The following LGR6 variants were observed in gnomAD, a reference collection of about 807,000 sequenced individuals.
The protein encoded by LGR6 is leucine-rich repeat-containing G protein-coupled receptor 6.
Under a neutral mutation model 69.4 loss-of-function variants are expected in LGR6, and 45 were observed. The ratio of observed to expected loss-of-function variants is 0.65; its 90% CI spans 0.51 to 0.83. The LOEUF is 0.83. Among genes scored for constraint, LGR6 ranks in the 40% least tolerant of loss-of-function variants. The pLI is 0.00. For missense variants in LGR6, 1,108 were observed against 1,246.7 expected, an observed-to-expected ratio of 0.89 and a Z score of 1.68; for synonymous variants, 538 against 555.0, an observed-to-expected ratio of 0.97 and a Z score of 0.43.
intron 1 of LGR6, among the ~76,000 whole-genome samples, chr1:202,195,851 G>A (rs1400698573): frequency 6.6e-6 from 1 of 152,176 alleles, no homozygotes; most frequent in Non-Finnish European, 1.5e-5. Flanking sequence ...TTCCTAGACT[G>A]GTTAATGACC....
At chr1:202,274,097 C>T (rs965756937) in intron 4 of LGR6, among the ~76,000 whole-genome samples, 1 of 152,070 alleles carries the variant, frequency 6.6e-6, no homozygotes, top group Non-Finnish European at 1.5e-5. Flanking sequence ...GCCCTCACCA[C>T]AATAGAATGG....
At chr1:202,250,382 AT>A (rs1558035842) in intron 4 of LGR6, among the ~76,000 whole-genome samples, 1 of 150,652 alleles carries the variant, frequency 6.6e-6, no homozygotes, top group Non-Finnish European at 1.5e-5. Context: ...TTTTTAATTT[AT>A]TTTTTATTTT....
chr1:202,273,382 C>T (rs1336265322), intron 4 of LGR6, among the ~76,000 whole-genome samples: 5 of 151,936 alleles, frequency 3.3e-5, no homozygotes, highest in Non-Finnish European at 5.9e-5. Context: ...AGGCCCAGAT[C>T]TGCGAGATGT....
At chr1:202,265,813 A>T (rs894487330) in intron 4 of LGR6, among the ~76,000 whole-genome samples, 1 of 152,260 alleles carries the variant, frequency 6.6e-6, no homozygotes, top group African/African-American at 2.4e-5. Flanking sequence ...TAAAAAACAC[A>T]GACTGAATAT....
intron 1 of LGR6, among the ~76,000 whole-genome samples, chr1:202,205,228 A>G (rs1213293127): frequency 5.3e-4 from 18 of 34,182 alleles, no homozygotes; most frequent in African/African-American, 1.9e-3. Context: ...ACACCCTCCA[A>G]ACACACACAC....
chr1:202,252,031 G>A lies in LGR6; in HGVS notation c.428+16038G>A, dbSNP rs562159067. On this transcript the variant is annotated intron_variant, in intron 4 of 17. Transcript: ENST00000367278. ...GGTTGGAGGGGGTGTGGTGAAGGGG[G>A]TGCCCAGGGCTCCTCCAAGTCATCA... Among the ~76,000 whole-genome samples the A allele has an allele frequency of 1.0e-3, 152 of 151,974 alleles. 1 individual carries two copies. Among genetic ancestry groups the A allele is most frequent in the Non-Finnish European group, 1.6e-3 (110 of 67,944 alleles).
At chr1:202,201,532 T>G (rs1658833662) in intron 1 of LGR6, among the ~76,000 whole-genome samples, 1 of 152,174 alleles carries the variant, frequency 6.6e-6, no homozygotes, top group South Asian at 2.1e-4. Flanking sequence ...TAAGACAACC[T>G]GCCACTAGTT....
chr1:202,282,841 G>A (rs970462383), intron 6 of LGR6, among the ~76,000 whole-genome samples: 2 of 152,172 alleles, frequency 1.3e-5, no homozygotes, highest in Non-Finnish European at 1.5e-5. Flanking sequence ...GCCGCTAAGC[G>A]CCCACTGTAC....
Position 202,305,716 on chromosome 1 carries a change from C to G in LGR6, c.1103C>G (p.Pro368Arg). Residue 368 changes from proline to arginine, a missense_variant, in exon 12 of 18, where the codon CCC becomes CGC. Coordinates refer to ENST00000367278, the MANE Select transcript of LGR6 (RefSeq NM_001017403.2). ...ELSHNQIEELPSLHRCQKLEE... is the reference protein window; with the variant it reads ...ELSHNQIEELRSLHRCQKLEE... ...TCTCACAATCAAATTGAGGAGCTGCCCAGCCTGCACAGGTGTCAGAAATTG... is the reference window on the plus strand; with the variant it reads ...TCTCACAATCAAATTGAGGAGCTGCGCAGCCTGCACAGGTGTCAGAAATTG... 1.2e-6 allele frequency: 2 copies of G among 1,613,972 alleles called. No homozygotes were observed. The highest frequency in any genetic ancestry group is 1.1e-5 in the South Asian group (1 of 91,062).
At chr1:202,234,678 C>T (rs537878477) in intron 3 of LGR6, among the ~76,000 whole-genome samples, 2 of 152,330 alleles carry the variant, frequency 1.3e-5, no homozygotes, top group South Asian at 4.1e-4. Context: ...TAATCCCTAT[C>T]TGTTGGAGTT....
intron 1 of LGR6, among the ~76,000 whole-genome samples, chr1:202,212,023 G>A (rs1297300915): frequency 6.6e-6 from 1 of 152,174 alleles, no homozygotes; most frequent in Non-Finnish European, 1.5e-5. Context: ...ATTGTGGCAT[G>A]GTACTTACTA....
In LGR6 at chr1:202,232,573, C is replaced by T. The variant is rs140377374; in HGVS notation, c.357-3349C>T. Reference sequence around the variant, plus strand: ...GTGCAGTGGTTCATGCCTGTAATCCCAGGGCTGTGGAGGGCTGAGGCAGGA... The same window carrying T: ...GTGCAGTGGTTCATGCCTGTAATCCTAGGGCTGTGGAGGGCTGAGGCAGGA... On this transcript the variant is annotated intron_variant, in intron 3 of 17. Transcript: ENST00000367278. Among the ~76,000 whole-genome samples the T allele has an allele frequency of 4.6e-5, 7 of 152,178 alleles. No individual in the cohort carries two copies. In the East Asian group the frequency reaches 1.4e-3, roughly 29 times the overall value.
chr1:202,204,536 T>A (rs1458748805), intron 1 of LGR6, among the ~76,000 whole-genome samples: 1 of 41,412 alleles, frequency 2.4e-5, no homozygotes, highest in Non-Finnish European at 4.7e-5. Context: ...CACACACACC[T>A]CCTTCAAACA....
chr1:202,225,380 A>G (rs1558016052), intron 1 of LGR6, 43 bp from the exon 2 acceptor site: 5 of 1,579,290 alleles, frequency 3.2e-6, no homozygotes, highest in Non-Finnish European at 4.4e-6. Context: ...AGATGGCCCA[A>G]GTGGGGAGTT....
chr1:202,245,510 T>C (rs1234180542), intron 4 of LGR6, among the ~76,000 whole-genome samples: 3 of 150,178 alleles, frequency 2.0e-5, no homozygotes, highest in African/African-American at 7.6e-5. Context: ...CTCAGACTTG[T>C]GGGGCTCCTC....
In LGR6 at chr1:202,253,845, G is replaced by A. The variant is rs1158177267; in HGVS notation, c.428+17852G>A. ...TTTTGAGACGGAGTCTCGCTCTGTC[G>A]CCCAGGCTGGAGTGCAGTGGCGGGA... On this transcript the variant is annotated intron_variant, in intron 4 of 17. Coordinates refer to ENST00000367278, the MANE Select transcript of LGR6 (RefSeq NM_001017403.2). Among the ~76,000 whole-genome samples, 9 of 107,334 alleles carry A rather than the reference G, an allele frequency of 8.4e-5. No individual in the cohort carries two copies. The South Asian group carries it at 1.4e-3, about 17-fold the overall frequency. 70.4% of individuals were successfully genotyped at this position (107,334 alleles called of 152,430 possible).
intron 4 of LGR6, among the ~76,000 whole-genome samples, chr1:202,251,468 A>G (rs1465963175): frequency 6.6e-6 from 1 of 152,178 alleles, no homozygotes; most frequent in Non-Finnish European, 1.5e-5. Flanking sequence ...ACATAGGGGC[A>G]TTCACCATTT....
At chr1:202,305,057 A>G (rs1412959551) in intron 11 of LGR6, among the ~76,000 whole-genome samples, 1 of 152,092 alleles carries the variant, frequency 6.6e-6, no homozygotes. Context: ...TTGGACTCCA[A>G]CTTGAATCTG....
At position 202,223,677 on chromosome 1, in the gene LGR6, G is replaced by GCA. The variant is rs140269568; in HGVS notation, c.213-1735_213-1734dup. On this transcript the variant is annotated intron_variant, in intron 1 of 17. Coordinates refer to ENST00000367278, the MANE Select transcript of LGR6 (RefSeq NM_001017403.2). ...GTAGGATGGAATGCAAATGTGTCAG[G>GCA]CACACACACACAGTCTCACACACTG... Among the ~76,000 whole-genome samples, 4 of 151,374 alleles carry GCA rather than the reference G, an allele frequency of 2.6e-5. No homozygotes were observed. In the East Asian group the frequency reaches 6.0e-4, roughly 23 times the overall value.
Sources: allele counts gnomAD v4.1 joint callset (sites outside exome capture counted in the v4.1 genomes callset), GRCh38; gene constraint gnomAD v4.1.1; transcripts MANE v1.5; gene names NCBI Gene and HGNC (gene_info 2026-07-23, HGNC 2026-07-21).